Variants in ZNF804B observed in about 807,000 individuals in gnomAD.
The protein encoded by ZNF804B is zinc finger protein 804B.
ZNF804B carries 80 observed loss-of-function variants against 101.4 expected under a neutral mutation model. The ratio of observed to expected loss-of-function variants is 0.79; its 90% CI spans 0.66 to 0.95. The LOEUF (loss-of-function observed/expected upper bound fraction) is 0.95, where lower values mean the gene tolerates loss of function less well. Among genes scored for constraint, ZNF804B ranks in the 40% least tolerant of loss-of-function variants. ZNF804B has a pLI of 0.00. For missense variants in ZNF804B, 1,673 were observed against 1,561.9 expected (o/e 1.07, Z -1.20); for synonymous variants, 622 against 558.8 (o/e 1.11, Z -1.59).
chr7:89,066,945 A>C (rs1485040880), intron 1 of ZNF804B, among the ~76,000 whole-genome samples: 1 of 151,934 alleles, frequency 6.6e-6, no homozygotes, highest in African/African-American at 2.4e-5. Flanking sequence ...TCTAATATAT[A>C]TATAAGTATA....
intron 1 of ZNF804B, among the ~76,000 whole-genome samples, chr7:89,106,161 A>C (rs895628479): frequency 6.6e-6 from 1 of 152,184 alleles, no homozygotes; most frequent in Non-Finnish European, 1.5e-5. Context: ...AGTGTGTGGC[A>C]TGGAGCCCAG....
intron 2 of ZNF804B, among the ~76,000 whole-genome samples, chr7:89,244,371 T>A (rs898502078): frequency 2.2e-4 from 34 of 152,120 alleles, no homozygotes; most frequent in Non-Finnish European, 4.3e-4. Context: ...GCAAACATTG[T>A]ATACTTTAAT....
intron 1 of ZNF804B, among the ~76,000 whole-genome samples, chr7:89,167,047 T>C (rs977920931): frequency 6.6e-6 from 1 of 152,148 alleles, no homozygotes; most frequent in Non-Finnish European, 1.5e-5. Context: ...AATAGACTAA[T>C]TTTTTGCATT....
At chr7:89,156,336 A>G (rs1790975389) in intron 1 of ZNF804B, among the ~76,000 whole-genome samples, 1 of 152,034 alleles carries the variant, frequency 6.6e-6, no homozygotes, top group South Asian at 2.1e-4. Flanking sequence ...GCTGATCTCA[A>G]ACTCCCGACC....
At chr7:89,040,852 G>T (rs1162205264) in intron 1 of ZNF804B, among the ~76,000 whole-genome samples, 7 of 152,190 alleles carry the variant, frequency 4.6e-5, no homozygotes, top group Admixed American at 2.6e-4. Flanking sequence ...TGTTGGGACA[G>T]GGCCTAGAGC....
chr7:89,023,654 T>G (rs16868580), intron 1 of ZNF804B, among the ~76,000 whole-genome samples: 8,360 of 152,270 alleles, frequency 0.055, 545 homozygotes, highest in African/African-American at 0.16. Context: ...AAAAAATTCA[T>G]TTGTTCCTAA....
chr7:88,889,726 T>C (rs946811151), intron 1 of ZNF804B, among the ~76,000 whole-genome samples: 4 of 152,238 alleles, frequency 2.6e-5, no homozygotes, highest in Non-Finnish European at 5.9e-5. Flanking sequence ...TTCTGTAAGT[T>C]ACCTGTTTAC....
chr7:89,021,812 G>C (rs1788672555), intron 1 of ZNF804B, among the ~76,000 whole-genome samples: 1 of 152,210 alleles, frequency 6.6e-6, no homozygotes, highest in Non-Finnish European at 1.5e-5. Flanking sequence ...CCAGAGCATA[G>C]TGCTCTCTAG....
chr7:88,766,393 G>A (rs768361786), intron 1 of ZNF804B, among the ~76,000 whole-genome samples: 7 of 152,176 alleles, frequency 4.6e-5, no homozygotes, highest in Admixed American at 6.5e-5. Context: ...TTCCTGAGAT[G>A]ACACTCAGAT....
At chr7:88,788,376 TC>T (rs1790333731) in intron 1 of ZNF804B, among the ~76,000 whole-genome samples, 1 of 152,048 alleles carries the variant, frequency 6.6e-6, no homozygotes, top group South Asian at 2.1e-4. Context: ...CCAAGCTTGC[TC>T]CTCCCCCAGA....
At chr7:89,175,244 G>T (rs1175256036) in intron 1 of ZNF804B, among the ~76,000 whole-genome samples, 3 of 151,706 alleles carry the variant, frequency 2.0e-5, no homozygotes, top group Non-Finnish European at 4.4e-5. Context: ...ATTTTGTTTT[G>T]ATTTTTTCAT....
At chr7:89,019,292 A>G (rs1477479398) in intron 1 of ZNF804B, among the ~76,000 whole-genome samples, 3 of 151,928 alleles carry the variant, frequency 2.0e-5, no homozygotes, top group Non-Finnish European at 4.4e-5. Flanking sequence ...ATATTTTCAG[A>G]TATTCCTCTT....
At chr7:88,871,488 A>G (rs749049781) in intron 1 of ZNF804B, among the ~76,000 whole-genome samples, 2 of 152,180 alleles carry the variant, frequency 1.3e-5, no homozygotes, top group Non-Finnish European at 2.9e-5. Context: ...GAAAGATAAT[A>G]TAAAATTCAT....
intron 1 of ZNF804B, among the ~76,000 whole-genome samples, chr7:88,766,346 G>C (rs1220110594): frequency 1.3e-5 from 2 of 152,132 alleles, no homozygotes; most frequent in Non-Finnish European, 2.9e-5. Context: ...AGGGGGTTTT[G>C]ATTTGCTTTT....
At chr7:89,203,449 A>G (rs762870160) in intron 1 of ZNF804B, among the ~76,000 whole-genome samples, 1 of 152,174 alleles carries the variant, frequency 6.6e-6, no homozygotes, top group Non-Finnish European at 1.5e-5. Flanking sequence ...CCTTGTAAAT[A>G]TCTTTCTCTC....
chr7:88,859,408 G>A (rs1008760596), intron 1 of ZNF804B, among the ~76,000 whole-genome samples: 4 of 152,012 alleles, frequency 2.6e-5, no homozygotes, highest in Non-Finnish European at 5.9e-5. Context: ...TCTCTAAATG[G>A]TAATTTTATA....
intron 2 of ZNF804B, among the ~76,000 whole-genome samples, chr7:89,312,316 T>G (rs1230013158): frequency 6.6e-6 from 1 of 152,192 alleles, no homozygotes; most frequent in Admixed American, 6.5e-5. Context: ...ACAAGCAATC[T>G]TTATGTCCTG....
At chr7:88,977,547 A>G (rs1413755742) in intron 1 of ZNF804B, among the ~76,000 whole-genome samples, 2 of 151,658 alleles carry the variant, frequency 1.3e-5, no homozygotes, top group African/African-American at 4.8e-5. Context: ...AGCTCATGGT[A>G]GTCTCTAATG....
intron 1 of ZNF804B, among the ~76,000 whole-genome samples, chr7:88,891,693 TTCTC>T (rs1274637611): frequency 1.3e-5 from 2 of 152,032 alleles, no homozygotes; most frequent in African/African-American, 4.8e-5. Context: ...TTTTATTTCT[TTCTC>T]TCTACTAGTC....
Sources: gnomAD v4.1 joint callset for allele counts (sites outside exome capture counted in the v4.1 genomes callset) on GRCh38, gnomAD v4.1.1 for gene constraint, MANE v1.5 for transcripts, NCBI Gene and HGNC (gene_info 2026-07-23, HGNC 2026-07-21) for gene names.